ARHGEF10: variants seen among roughly 807,000 people sequenced by gnomAD.
ARHGEF10 encodes the protein Rho guanine nucleotide exchange factor 10, also known as Rho guanine nucleotide exchange factor (GEF) 10.
In ARHGEF10, 140 loss-of-function variants were observed where a neutral mutation model predicts 147.4. That is an observed-to-expected ratio of 0.95 (90% CI 0.83 to 1.09). The LOEUF (loss-of-function observed/expected upper bound fraction) is 1.09, where lower values mean the gene tolerates loss of function less well. Ranked by LOEUF, ARHGEF10 falls within the 50% of genes least tolerant of loss-of-function variation. ARHGEF10 has a pLI of 0.00. For synonymous variants in ARHGEF10, 902 were observed against 695.8 expected (o/e 1.30, Z -4.67); for missense variants, 2,222 against 1,752.7 (o/e 1.27, Z -4.78).
chr8:1,931,897 G>T (rs1813179799), intron 25 of ARHGEF10, among the ~76,000 whole-genome samples: 1 of 152,210 alleles, frequency 6.6e-6, no homozygotes, highest in Admixed American at 6.5e-5. Flanking sequence ...CCACCCAGGT[G>T]CTCAGAGAAC....
At chr8:1,853,158 C>T (rs765007724) in intron 2 of ARHGEF10, among the ~76,000 whole-genome samples, 14 of 152,190 alleles carry the variant, frequency 9.2e-5, no homozygotes, top group South Asian at 2.1e-4. Flanking sequence ...TTTCCTCCTC[C>T]GTGTCATGGC....
intron 13 of ARHGEF10, among the ~76,000 whole-genome samples, chr8:1,895,864 A>G (rs920447522): frequency 1.3e-5 from 2 of 152,142 alleles, no homozygotes; most frequent in African/African-American, 4.8e-5. Context: ...CGTGTAGGGC[A>G]TTGTATGTTA....
intron 3 of ARHGEF10, 89 bp from the exon 4 acceptor site, chr8:1,859,808 C>T: frequency 6.6e-7 from 1 of 1,507,824 alleles, no homozygotes; most frequent in South Asian, 1.1e-5. Flanking sequence ...GGTGGGAGCT[C>T]ATACCTGCTT....
Position 1,957,289 on chromosome 8 carries a change from G to C in ARHGEF10, c.*26G>C. 1 of 1,599,504 alleles carries C rather than the reference G, an allele frequency of 6.3e-7. No individual in the cohort carries two copies. On this transcript the variant is annotated 3_prime_UTR_variant, in exon 29 of 29. Transcript: ENST00000349830. ...GCAGGACGGCCGCCTTCTGCTGTCA[G>C]AATTTGCAATCAAGGGTGACTTCTC...
At chr8:1,875,423 G>A (rs978304535) in intron 7 of ARHGEF10, among the ~76,000 whole-genome samples, 2 of 152,120 alleles carry the variant, frequency 1.3e-5, no homozygotes, top group Non-Finnish European at 2.9e-5. Flanking sequence ...TTGGGCATGT[G>A]GGTGAGCTCT....
chr8:1,911,158 A>G (rs1276958810), intron 18 of ARHGEF10, among the ~76,000 whole-genome samples: 5 of 152,242 alleles, frequency 3.3e-5, no homozygotes, highest in Non-Finnish European at 7.3e-5. Context: ...AAAAAGAAAT[A>G]TGCCACATTG....
intron 1 of ARHGEF10, chr8:1,826,150 T>A: frequency 1.3e-6 from 2 of 1,588,748 alleles, no homozygotes; most frequent in Non-Finnish European, 1.7e-6. Flanking sequence ...GAAAAGTCAT[T>A]TGTATAAGGT....
chr8:1,924,033 G>T (rs1363639886), intron 21 of ARHGEF10, among the ~76,000 whole-genome samples, 159 bp downstream of exon 21: 4 of 152,156 alleles, frequency 2.6e-5, no homozygotes, highest in Non-Finnish European at 5.9e-5. Context: ...TGGCACCGGC[G>T]ATTTTTTAGA....
intron 26 of ARHGEF10, among the ~76,000 whole-genome samples, chr8:1,942,878 C>G (rs150793569): frequency 1.4e-3 from 208 of 152,240 alleles, no homozygotes; most frequent in African/African-American, 4.8e-3. Context: ...AATGTCAGAA[C>G]AGGCAAATCC....
chr8:1,859,284 G>A (rs1454942627), intron 3 of ARHGEF10, among the ~76,000 whole-genome samples: 4 of 144,704 alleles, frequency 2.8e-5, no homozygotes, highest in African/African-American at 1.0e-4. Flanking sequence ...TTGTTTGCAT[G>A]GTGTTTCTTT....
chr8:1,874,847 G>T (rs1162236954), intron 7 of ARHGEF10, among the ~76,000 whole-genome samples: 7 of 129,966 alleles, frequency 5.4e-5, no homozygotes, highest in Admixed American at 3.0e-4. Context: ...CGGCGTGTAG[G>T]GGGTAGAGGT....
chr8:1,889,422 G>A (rs1414604881), intron 11 of ARHGEF10, among the ~76,000 whole-genome samples: 2 of 63,918 alleles, frequency 3.1e-5, no homozygotes, highest in South Asian at 9.5e-4. Context: ...ACACTGAGTG[G>A]GGTGAGGGGT....
chr8:1,903,499 G>C (rs1337924113), intron 16 of ARHGEF10, 48 bp downstream of exon 16: 33 of 1,605,260 alleles, frequency 2.1e-5, no homozygotes, highest in Non-Finnish European at 2.6e-5. Context: ...TTTTTGCTTT[G>C]TGCTAATAAG....
At chr8:1,875,050 A>T (rs1290053275) in intron 7 of ARHGEF10, among the ~76,000 whole-genome samples, 5 of 31,178 alleles carry the variant, frequency 1.6e-4, no homozygotes, top group Admixed American at 3.7e-4. Flanking sequence ...GACAGGCTGG[A>T]GGAACAGTGG....
intron 8 of ARHGEF10, among the ~76,000 whole-genome samples, chr8:1,878,217 G>A (rs1361512810): frequency 6.6e-6 from 1 of 151,820 alleles, no homozygotes; most frequent in East Asian, 1.9e-4. Context: ...TTGAAATGGA[G>A]TCTTGCCTGT....
intron 27 of ARHGEF10, among the ~76,000 whole-genome samples, chr8:1,951,797 G>C (rs1339239228): frequency 6.6e-6 from 1 of 152,232 alleles, no homozygotes; most frequent in Non-Finnish European, 1.5e-5. Context: ...GATTGTGTCA[G>C]AGTTGTGGTG....
At position 1,926,396 on chromosome 8, in the gene ARHGEF10, AC is replaced by A. The variant is rs2129219648; in HGVS notation, c.2633del (p.Pro878LeufsTer5). 1 of 1,614,066 alleles carries A rather than the reference AC, an allele frequency of 6.2e-7. No homozygotes were observed. The highest frequency in any genetic ancestry group is 8.5e-7 in the Non-Finnish European group (1 of 1,179,942). ...QEFKIECAAY[N>X]PEPYLNNESQ... Reference sequence around the variant, plus strand: ...TTTTAGATTGAATGTGCTGCTTATAACCCTGAACCTTACCTAAATAATGAAA... The same window carrying A: ...TTTTAGATTGAATGTGCTGCTTATAACCTGAACCTTACCTAAATAATGAAA... On this transcript the variant is annotated frameshift_variant, in exon 23 of 29. Coordinates refer to ENST00000349830, the MANE Select transcript of ARHGEF10 (RefSeq NM_014629.4). LOFTEE classifies it high-confidence loss of function.
chr8:1,920,245 T>G (rs1378700077), intron 18 of ARHGEF10, among the ~76,000 whole-genome samples: 1 of 152,242 alleles, frequency 6.6e-6, no homozygotes, highest in Admixed American at 6.5e-5. Context: ...TTTGATTGGA[T>G]GATAATTGTG....
chr8:1,836,316 G>A (rs1430022130), intron 1 of ARHGEF10, among the ~76,000 whole-genome samples: 1 of 152,148 alleles, frequency 6.6e-6, no homozygotes, highest in African/African-American at 2.4e-5. Flanking sequence ...CATGCTGCAC[G>A]CTCCTGGGGA....
Sources: allele counts gnomAD v4.1 joint callset (sites outside exome capture counted in the v4.1 genomes callset), GRCh38; gene constraint gnomAD v4.1.1; transcripts MANE v1.5; gene names NCBI Gene and HGNC (gene_info 2026-07-23, HGNC 2026-07-21).